The following LRRTM4 variants were observed in gnomAD, a reference collection of about 807,000 sequenced individuals.
LRRTM4 encodes the protein leucine-rich repeat transmembrane neuronal protein 4.
LRRTM4 carries 25 observed loss-of-function variants against 47.6 expected under a neutral mutation model. That is an observed-to-expected ratio of 0.53 (90% CI 0.38 to 0.73). LRRTM4 has a LOEUF of 0.73. LRRTM4 is among the 30% of genes least tolerant of loss of function. The pLI is 0.00. For synonymous variants in LRRTM4, 311 were observed against 269.5 expected, an observed-to-expected ratio of 1.15 and a Z score of -1.51; for missense variants, 638 against 713.4, an observed-to-expected ratio of 0.89 and a Z score of 1.20.
chr2:77,196,788 C>A (rs1384884786), intron 3 of LRRTM4, among the ~76,000 whole-genome samples: 1 of 152,004 alleles, frequency 6.6e-6, no homozygotes, highest in Admixed American at 6.6e-5. Flanking sequence ...AATCTAAGAT[C>A]TATTAAATTT....
intron 3 of LRRTM4, among the ~76,000 whole-genome samples, chr2:77,310,847 T>G (rs1232089225): frequency 6.6e-6 from 1 of 152,122 alleles, no homozygotes; most frequent in Non-Finnish European, 1.5e-5. Context: ...TGTGATGTCA[T>G]ATACACACAC....
At chr2:77,334,539 A>G (rs1388182127) in intron 3 of LRRTM4, among the ~76,000 whole-genome samples, 1 of 152,198 alleles carries the variant, frequency 6.6e-6, no homozygotes, top group East Asian at 1.9e-4. Context: ...GCCTGCTGCC[A>G]TCCACATAAG....
intron 3 of LRRTM4, among the ~76,000 whole-genome samples, chr2:77,454,386 T>C (rs748033182): frequency 9.2e-5 from 14 of 152,200 alleles, no homozygotes; most frequent in Non-Finnish European, 1.8e-4. Flanking sequence ...TAATTCTACA[T>C]AACAATGGTT....
chr2:77,458,342 C>T (rs1319907557), intron 3 of LRRTM4, among the ~76,000 whole-genome samples: 3 of 152,050 alleles, frequency 2.0e-5, no homozygotes, highest in East Asian at 1.9e-4. Context: ...TCTGCCAAGT[C>T]GTTTCTTTTT....
At chr2:76,909,577 A>T (rs1304542665) in intron 3 of LRRTM4, among the ~76,000 whole-genome samples, 16 of 151,820 alleles carry the variant, frequency 1.1e-4, no homozygotes, top group African/African-American at 3.6e-4. Context: ...ATGGGAGAAA[A>T]TTTTCGCAAC....
At chr2:76,803,703 A>G (rs907641784) in intron 3 of LRRTM4, among the ~76,000 whole-genome samples, 2 of 152,206 alleles carry the variant, frequency 1.3e-5, no homozygotes, top group Non-Finnish European at 2.9e-5. Flanking sequence ...TGCTATCCTC[A>G]TAAGATCCTG....
At chr2:76,900,399 A>T (rs1030083462) in intron 3 of LRRTM4, among the ~76,000 whole-genome samples, 5 of 133,892 alleles carry the variant, frequency 3.7e-5, no homozygotes, top group African/African-American at 1.4e-4. Flanking sequence ...ATATTATTTC[A>T]TGCTTATCTC....
At chr2:76,899,213 A>G (rs1573278451) in intron 3 of LRRTM4, among the ~76,000 whole-genome samples, 1 of 151,998 alleles carries the variant, frequency 6.6e-6, no homozygotes, top group Non-Finnish European at 1.5e-5. Flanking sequence ...ACAAATATAT[A>G]TAGAGAGAGA....
At chr2:77,050,540 G>A (rs904420758) in intron 3 of LRRTM4, among the ~76,000 whole-genome samples, 1 of 152,136 alleles carries the variant, frequency 6.6e-6, no homozygotes, top group Non-Finnish European at 1.5e-5. Flanking sequence ...ATAAAGATAA[G>A]ATATCATTAT....
chr2:77,440,713 G>A (rs1675807268), intron 3 of LRRTM4, among the ~76,000 whole-genome samples: 4 of 152,082 alleles, frequency 2.6e-5, no homozygotes, highest in Admixed American at 2.6e-4. Flanking sequence ...TGATACTGAC[G>A]GTGTTTTGTA....
chr2:77,358,148 G>A (rs1023141694), intron 3 of LRRTM4, among the ~76,000 whole-genome samples: 1 of 152,078 alleles, frequency 6.6e-6, no homozygotes, highest in Middle Eastern at 3.2e-3. Context: ...TTAGTTTTGT[G>A]TTGATATGAA....
intron 3 of LRRTM4, among the ~76,000 whole-genome samples, chr2:76,891,497 C>A (rs1573265370): frequency 6.6e-6 from 1 of 151,108 alleles, no homozygotes; most frequent in Admixed American, 6.6e-5. Context: ...GAAAAGTAAG[C>A]CAAATTTGTA....
chr2:76,905,751 G>A (rs1256525229), intron 3 of LRRTM4, among the ~76,000 whole-genome samples: 4 of 151,480 alleles, frequency 2.6e-5, no homozygotes, highest in Non-Finnish European at 5.9e-5. Context: ...TATCAGTGAT[G>A]GAAGATGAAA....
At position 76,933,374 on chromosome 2, in the gene LRRTM4, C is replaced by T. The variant is rs559428351; in HGVS notation, c.1552-184458G>A. 2.6e-5 allele frequency among the ~76,000 whole-genome samples: 4 copies of T among 152,158 alleles called. No individual in the cohort carries two copies. In the South Asian group the frequency reaches 8.3e-4, roughly 31 times the overall value. ...AAAAATAGGCATGTTTTTATTCTCA[C>T]ACGGTCATACAAATACCTGCTTGCC... On this transcript the variant is annotated intron_variant, in intron 3 of 3. Transcript: ENST00000409884.
intron 3 of LRRTM4, among the ~76,000 whole-genome samples, chr2:76,902,995 A>G (rs1413506557): frequency 6.6e-6 from 1 of 152,158 alleles, no homozygotes; most frequent in Non-Finnish European, 1.5e-5. Context: ...GTAATTTTAA[A>G]CTGTCAATCA....
chr2:76,871,405 G>A (rs1294520722), intron 3 of LRRTM4, among the ~76,000 whole-genome samples: 1 of 152,108 alleles, frequency 6.6e-6, no homozygotes, highest in Non-Finnish European at 1.5e-5. Flanking sequence ...ACCACAGCCT[G>A]CATTCAACTA....
intron 3 of LRRTM4, among the ~76,000 whole-genome samples, chr2:76,845,758 A>G (rs1316870459): frequency 1.3e-5 from 2 of 152,150 alleles, no homozygotes; most frequent in African/African-American, 4.8e-5. Flanking sequence ...TGTTCTTCAT[A>G]TGAATGCTGC....
intron 3 of LRRTM4, among the ~76,000 whole-genome samples, chr2:76,863,374 A>G (rs1178490612): frequency 6.6e-6 from 1 of 152,216 alleles, no homozygotes; most frequent in Non-Finnish European, 1.5e-5. Context: ...ACCCAGACAC[A>G]TCAATAGTAA....
chr2:77,055,117 C>T (rs1049640332), intron 3 of LRRTM4, among the ~76,000 whole-genome samples: 1 of 152,144 alleles, frequency 6.6e-6, no homozygotes, highest in Non-Finnish European at 1.5e-5. Flanking sequence ...TTAGAGTTAC[C>T]ACAACCCACA....
Sources: allele counts gnomAD v4.1 joint callset (sites outside exome capture counted in the v4.1 genomes callset), GRCh38; gene constraint gnomAD v4.1.1; transcripts MANE v1.5; gene names NCBI Gene and HGNC (gene_info 2026-07-23, HGNC 2026-07-21).